Variants in LRRC4C observed in about 807,000 individuals in gnomAD.
LRRC4C encodes leucine-rich repeat-containing protein 4C.
Under a neutral mutation model 33.6 loss-of-function variants are expected in LRRC4C, and 5 were observed. That is an observed-to-expected ratio of 0.15 (90% CI 0.08 to 0.31). The LOEUF is 0.31. Ranked by LOEUF, LRRC4C falls within the 10% of genes least tolerant of loss-of-function variation. The pLI is 1.00. For missense variants in LRRC4C, 560 were observed against 796.7 expected (o/e 0.70, Z 3.58); for synonymous variants, 329 against 302.0 (o/e 1.09, Z -0.93).
chr11:40,981,041 T>C (rs552291869), intron 1 of LRRC4C, among the ~76,000 whole-genome samples: 1 of 152,152 alleles, frequency 6.6e-6, no homozygotes, highest in Non-Finnish European at 1.5e-5. Context: ...CAGAAAGAGA[T>C]TAAATAACAT....
In LRRC4C at chr11:40,920,797, G is replaced by A. The variant is rs146720253; in HGVS notation, c.-407+12838C>T. On this transcript the variant is annotated intron_variant, in intron 2 of 6. Coordinates refer to ENST00000528697, the MANE Select transcript of LRRC4C (RefSeq NM_001258419.2). The stretch of plus-strand genomic sequence containing the variant: ...TTGGAACCTGTGAGCATGTTACCTT[G>A]AATCGTTACATTCTAGACCATGTGA... Among the ~76,000 whole-genome samples, 413 of 152,108 alleles carry A rather than the reference G, an allele frequency of 2.7e-3. 2 individuals are homozygous for A. Among genetic ancestry groups the A allele is most frequent in the African/African-American group, 9.5e-3 (394 of 41,480 alleles).
chr11:40,240,661 C>T (rs1381446073), intron 5 of LRRC4C, among the ~76,000 whole-genome samples: 1 of 152,152 alleles, frequency 6.6e-6, no homozygotes, highest in Admixed American at 6.6e-5. Flanking sequence ...CTAATCTATG[C>T]TTATAAGTGA....
intron 2 of LRRC4C, among the ~76,000 whole-genome samples, chr11:40,833,766 T>C (rs527325548): frequency 1.6e-5 from 2 of 123,960 alleles, no homozygotes; most frequent in African/African-American, 4.9e-5. Flanking sequence ...TAAATGTGTA[T>C]ATATTACATT....
intron 1 of LRRC4C, among the ~76,000 whole-genome samples, chr11:41,017,725 G>C (rs1003653561): frequency 6.6e-6 from 1 of 150,718 alleles, no homozygotes; most frequent in Non-Finnish European, 1.5e-5. Flanking sequence ...ATTATTAAGT[G>C]CTCTATATAG....
chr11:40,457,759 T>A (rs1952204929), intron 3 of LRRC4C, among the ~76,000 whole-genome samples: 1 of 152,190 alleles, frequency 6.6e-6, no homozygotes, highest in Admixed American at 6.5e-5. Flanking sequence ...TAAGAGCATC[T>A]TAACTAGTCT....
At chr11:41,151,327 A>G (rs1388511843) in intron 1 of LRRC4C, among the ~76,000 whole-genome samples, 1 of 152,208 alleles carries the variant, frequency 6.6e-6, no homozygotes, top group Non-Finnish European at 1.5e-5. Context: ...GATAAAGCAC[A>G]GCAGGCATGC....
intron 2 of LRRC4C, among the ~76,000 whole-genome samples, chr11:40,857,289 T>G (rs1045468825): frequency 6.6e-6 from 1 of 152,194 alleles, no homozygotes; most frequent in Non-Finnish European, 1.5e-5. Flanking sequence ...GCTGTACTCA[T>G]CAACCTATCA....
At chr11:41,147,689 G>A (rs1388940064) in intron 1 of LRRC4C, among the ~76,000 whole-genome samples, 2 of 152,182 alleles carry the variant, frequency 1.3e-5, no homozygotes, top group Non-Finnish European at 2.9e-5. Context: ...TAAACATCAT[G>A]GCTTTGTACT....
At chr11:40,230,852 G>A (rs1333329377) in intron 5 of LRRC4C, among the ~76,000 whole-genome samples, 3 of 152,064 alleles carry the variant, frequency 2.0e-5, no homozygotes, top group Non-Finnish European at 4.4e-5. Flanking sequence ...TTTAACAATA[G>A]ACAAATATGT....
intron 3 of LRRC4C, among the ~76,000 whole-genome samples, chr11:40,367,502 C>A (rs1948262456): frequency 6.6e-6 from 1 of 151,876 alleles, no homozygotes; most frequent in Non-Finnish European, 1.5e-5. Flanking sequence ...ATTTTTTTCA[C>A]AATGCAATGC....
intron 1 of LRRC4C, among the ~76,000 whole-genome samples, chr11:41,165,229 A>C (rs781462293): frequency 3.3e-5 from 5 of 151,930 alleles, no homozygotes; most frequent in African/African-American, 4.8e-5. Context: ...ACTCTGCCAG[A>C]CTTTGTTGCC....
intron 2 of LRRC4C, among the ~76,000 whole-genome samples, chr11:40,696,750 A>ATGTATATATATATATCTGAG (rs577065023): frequency 0.024 from 1,610 of 66,942 alleles, 23 homozygotes; most frequent in Middle Eastern, 0.048. Flanking sequence ...TACACTGTGT[A>ATGTATATATATATATCTGAG]TATATATATA....
chr11:41,256,332 A>G (rs1948798971), intron 1 of LRRC4C, among the ~76,000 whole-genome samples: 1 of 151,964 alleles, frequency 6.6e-6, no homozygotes, highest in African/African-American at 2.4e-5. Flanking sequence ...GTAACACACT[A>G]TTGTTCTTAC....
At chr11:40,810,369 G>A (rs1951437011) in intron 2 of LRRC4C, among the ~76,000 whole-genome samples, 1 of 152,104 alleles carries the variant, frequency 6.6e-6, no homozygotes, top group Admixed American at 6.5e-5. Flanking sequence ...TATGAATGTA[G>A]GAGTACCCCA....
chr11:41,418,163 T>G (rs1029668419), intron 1 of LRRC4C, among the ~76,000 whole-genome samples: 1 of 151,908 alleles, frequency 6.6e-6, no homozygotes, highest in African/African-American at 2.4e-5. Flanking sequence ...CAATAGACTT[T>G]TACAAGAATT....
intron 1 of LRRC4C, among the ~76,000 whole-genome samples, chr11:41,353,034 G>A (rs534589219): frequency 1.3e-5 from 2 of 151,990 alleles, no homozygotes; most frequent in Middle Eastern, 6.8e-3. Context: ...AATCAGAGCT[G>A]AACTGAAGAA....
intron 1 of LRRC4C, among the ~76,000 whole-genome samples, chr11:40,946,168 A>C (rs1431777428): frequency 6.6e-6 from 1 of 152,090 alleles, no homozygotes; most frequent in East Asian, 1.9e-4. Context: ...GCTCCCACTT[A>C]GAAGTGAGGA....
At chr11:41,377,450 A>T (rs1240349068) in intron 1 of LRRC4C, among the ~76,000 whole-genome samples, 2 of 152,208 alleles carry the variant, frequency 1.3e-5, no homozygotes, top group Non-Finnish European at 2.9e-5. Context: ...TAGCAGTAGC[A>T]TGGACAGTTC....
At chr11:40,577,855 A>ATTTT in intron 3 of LRRC4C, among the ~76,000 whole-genome samples, 1 of 60,590 alleles carries the variant, frequency 1.7e-5, no homozygotes, top group East Asian at 5.1e-4. Context: ...TTTTTTTTTG[A>ATTTT]GACGGAGTCT....
Sources: gnomAD v4.1 joint callset for allele counts (sites outside exome capture counted in the v4.1 genomes callset) on GRCh38, gnomAD v4.1.1 for gene constraint, MANE v1.5 for transcripts, NCBI Gene and HGNC (gene_info 2026-07-23, HGNC 2026-07-21) for gene names.